The following SEC23A variants were observed in gnomAD, a reference collection of about 807,000 sequenced individuals.
The protein encoded by SEC23A is SEC23 homolog A, COPII component, also known as protein transport protein Sec23A.
In SEC23A, 56 loss-of-function variants were observed where a neutral mutation model predicts 103.7. The observed-to-expected ratio is 0.54, with a 90% confidence interval of 0.44 to 0.67. SEC23A has a LOEUF of 0.67. SEC23A is among the 30% of genes least tolerant of loss of function. SEC23A has a pLI of 0.00. For synonymous variants in SEC23A, 281 were observed against 293.0 expected, an observed-to-expected ratio of 0.96 and a Z score of 0.42; for missense variants, 784 against 936.4, an observed-to-expected ratio of 0.84 and a Z score of 2.12.
At chr14:39,043,748 T>C (rs375906457) in intron 16 of SEC23A, among the ~76,000 whole-genome samples, 8 of 152,136 alleles carry the variant, frequency 5.3e-5, no homozygotes, top group South Asian at 2.1e-4. Context: ...AAGGTATAGG[T>C]GTCACAGAAG....
intron 13 of SEC23A, among the ~76,000 whole-genome samples, chr14:39,059,029 A>G (rs1421663479): frequency 2.6e-5 from 4 of 152,134 alleles, no homozygotes; most frequent in African/African-American, 7.2e-5. Flanking sequence ...TTGTTTAGAC[A>G]TAAATTAAAA....
intron 8 of SEC23A, 52 bp downstream of exon 8, chr14:39,075,883 A>G: frequency 6.7e-7 from 1 of 1,486,952 alleles, no homozygotes; most frequent in African/African-American, 1.4e-5. Context: ...TTCTGCCAGC[A>G]AATGAATACC....
intron 16 of SEC23A, among the ~76,000 whole-genome samples, chr14:39,043,912 A>C (rs543087695): frequency 1.1e-4 from 17 of 152,314 alleles, no homozygotes; most frequent in African/African-American, 3.8e-4. Flanking sequence ...GGTTGAGAAG[A>C]CAATGTGAGG....
rs921616358 is a variant in SEC23A at position 39,091,167 on chromosome 14, T to C, written c.603+310A>G. The stretch of plus-strand genomic sequence containing the variant: ...AAGAAAAAAAAAAGAAACAAGCTAA[T>C]ATTCTGCAGTTGCTCTCTCTTAGCC... On this transcript the variant is annotated intron_variant, in intron 5 of 19. Coordinates refer to ENST00000307712, the MANE Select transcript of SEC23A (RefSeq NM_006364.4). 5 of 411,946 alleles carry C rather than the reference T, an allele frequency of 1.2e-5. No homozygotes were observed. The East Asian group carries it at 2.2e-4, about 19-fold the overall frequency. The allele number at this position is 411,946 out of a possible 1,614,324, so 25.5% of individuals were successfully genotyped here.
intron 7 of SEC23A, among the ~76,000 whole-genome samples, chr14:39,081,954 G>A (rs1887243215): frequency 6.6e-6 from 1 of 152,022 alleles, no homozygotes; most frequent in Admixed American, 6.6e-5. Flanking sequence ...TATCTTCTTG[G>A]TAGAACCAAG....
At chr14:39,063,778 C>T (rs1237163380) in intron 11 of SEC23A, among the ~76,000 whole-genome samples, 2 of 151,984 alleles carry the variant, frequency 1.3e-5, no homozygotes, top group African/African-American at 4.8e-5. Context: ...GGGCAGATCA[C>T]AAGGTCAGGA....
intron 10 of SEC23A, among the ~76,000 whole-genome samples, chr14:39,065,590 A>T (rs1160629012): frequency 6.6e-6 from 1 of 152,178 alleles, no homozygotes; most frequent in Non-Finnish European, 1.5e-5. Flanking sequence ...ATTCAAATAC[A>T]AAGCATCTAC....
chr14:39,085,687 TATACACACAC>T lies in SEC23A; in HGVS notation c.828+65_828+74del, dbSNP rs1363351785. ...GGTTCTTCTTATCCTTATAATTATA[TATACACACAC>T]ACACACACACACACACACACACACA... is the stretch of plus-strand genomic sequence containing the variant. On this transcript the variant is annotated intron_variant, in intron 7 of 19. Coordinates refer to ENST00000307712, the MANE Select transcript of SEC23A (RefSeq NM_006364.4). 2.5e-5 allele frequency: 30 copies of T among 1,179,278 alleles called. No individual in the cohort carries two copies. In the African/African-American group the frequency reaches 3.3e-4, roughly 13 times the overall value. 73.1% of individuals were successfully genotyped at this position (1,179,278 alleles called of 1,614,324 possible).
At chr14:39,040,709 A>G (rs772602848) in intron 18 of SEC23A, 23 bp downstream of exon 18, 4 of 1,613,964 alleles carry the variant, frequency 2.5e-6, no homozygotes, top group Non-Finnish European at 8.5e-7. Flanking sequence ...AAACAAACAC[A>G]CAAACAAATT....
chr14:39,086,567 A>G (rs1003834025), intron 6 of SEC23A, among the ~76,000 whole-genome samples: 2 of 152,132 alleles, frequency 1.3e-5, no homozygotes, highest in African/African-American at 4.8e-5. Flanking sequence ...AGTTGTAGTG[A>G]GCCAAGATCA....
chr14:39,063,358 G>A lies in SEC23A; in HGVS notation c.1364C>T (p.Thr455Ile), dbSNP rs750444603. 1.9e-6 allele frequency: 3 copies of A among 1,612,258 alleles called. No individual in the cohort carries two copies. The highest frequency in any genetic ancestry group is 1.7e-6 in the Non-Finnish European group (2 of 1,178,488). ...QWKICGLSPT[T>I]TLAIYFEVVN... Reference sequence around the variant, plus strand: ...AACCTCAAAATATATGGCTAAGGTTGTAGTGGGACTAAGTCCACATATCTT... The same window carrying A: ...AACCTCAAAATATATGGCTAAGGTTATAGTGGGACTAAGTCCACATATCTT... The change falls in exon 12 of 20, where the codon ACA becomes ATA. Residue 455 changes from threonine to isoleucine, a missense_variant. Physicochemically the swap from Thr to Ile is moderately conservative, Grantham distance 89. This residue lies in a region of SEC23A where 683 missense variants were observed against 774.2 expected (regional missense o/e 0.88). Transcript: ENST00000307712.
At position 39,067,237 on chromosome 14, in the gene SEC23A, C is replaced by T. The variant is rs773481482; in HGVS notation, c.1163G>A (p.Arg388Lys). The T allele has an allele frequency of 1.2e-6, 2 of 1,613,540 alleles. No individual in the cohort carries two copies. The highest frequency in any genetic ancestry group is 4.5e-5 in the East Asian group (2 of 44,794). ...TCCATGCATGTCTTTGGTAAAGACT[C>T]TTTGAAAAGTTTGTTTGAATAAGGA... ...NTSLFKQTFQ[R>K]VFTKDMHGQF... Residue 388 changes from arginine (R) to lysine (K), a missense_variant, in exon 10 of 20, where the codon AGA becomes AAA. This residue lies in a region of SEC23A where 683 missense variants were observed against 774.2 expected (regional missense o/e 0.88). Transcript: ENST00000307712.
intron 1 of SEC23A, among the ~76,000 whole-genome samples, chr14:39,100,601 T>C (rs1454981541): frequency 6.6e-6 from 1 of 151,690 alleles, no homozygotes; most frequent in Non-Finnish European, 1.5e-5. Flanking sequence ...TTAGTAGAGA[T>C]GGGGTTTCTC....
intron 19 of SEC23A, among the ~76,000 whole-genome samples, chr14:39,037,096 C>T (rs955340878): frequency 6.6e-6 from 1 of 152,054 alleles, no homozygotes; most frequent in African/African-American, 2.4e-5. Flanking sequence ...ACTTGTACTC[C>T]CCTGAAGTTT....
At chr14:39,094,918 T>C in intron 2 of SEC23A, 1 of 674,610 alleles carries the variant, frequency 1.5e-6, no homozygotes, top group East Asian at 2.7e-5. Flanking sequence ...TGATAAGGAG[T>C]TTGTATTTCT....
intron 1 of SEC23A, among the ~76,000 whole-genome samples, chr14:39,100,807 T>G (rs1888062993): frequency 6.6e-6 from 1 of 152,196 alleles, no homozygotes; most frequent in African/African-American, 2.4e-5. Flanking sequence ...AAAGAAATAT[T>G]ATTCCACACA....
intron 15 of SEC23A, among the ~76,000 whole-genome samples, chr14:39,048,040 T>C (rs543944332): frequency 1.3e-5 from 2 of 152,326 alleles, no homozygotes; most frequent in South Asian, 4.1e-4. Flanking sequence ...GTCCTTCTGG[T>C]ACCACTATAA....
In SEC23A at chr14:39,040,798, T is replaced by C. The variant is rs751518277; in HGVS notation, c.2076A>G (p.Ala692=). 2.5e-6 allele frequency: 4 copies of C among 1,614,092 alleles called. No individual in the cohort carries two copies. Among genetic ancestry groups the C allele is most frequent in the Middle Eastern group, 1.6e-4 (1 of 6,084 alleles). The change falls in exon 18 of 20, where the codon GCA becomes GCG. Residue 692 remains alanine, a synonymous_variant. Transcript: ENST00000307712. ...GAAATCTGGAGTGAAGAATTTCCTG[T>C]GCATCATCCACTGGGGCTTGCAGAA... ...RHLLQAPVDD[A]QEILHSRFPM... is the part of the protein sequence containing the mutation.
chr14:39,036,896 C>T (rs565063343), intron 19 of SEC23A, among the ~76,000 whole-genome samples: 1 of 152,284 alleles, frequency 6.6e-6, no homozygotes, highest in East Asian at 1.9e-4. Context: ...ATACTAAAGC[C>T]GCTTACACAA....
Sources: gnomAD v4.1 joint callset for allele counts (sites outside exome capture counted in the v4.1 genomes callset) on GRCh38, gnomAD v4.1.1 for gene constraint, gnomAD v4.1.1 regional missense constraint, MANE v1.5 for transcripts, NCBI Gene and HGNC (gene_info 2026-07-23, HGNC 2026-07-21) for gene names.